The following ICOS variants were observed in gnomAD, a reference collection of about 807,000 sequenced individuals.
The protein encoded by ICOS is inducible T-cell costimulator.
ICOS carries 15 observed loss-of-function variants against 24.6 expected under a neutral mutation model. That is an observed-to-expected ratio of 0.61 (90% CI 0.41 to 0.94). The LOEUF is 0.94. Among genes scored for constraint, ICOS ranks in the 40% least tolerant of loss-of-function variants. The pLI is 0.00. For synonymous variants in ICOS, 89 were observed against 77.5 expected (o/e 1.15, Z -0.78); for missense variants, 200 against 233.0 (o/e 0.86, Z 0.92).
At chr2:203,948,775 A>T (rs1480345404) in intron 1 of ICOS, among the ~76,000 whole-genome samples, 1 of 152,202 alleles carries the variant, frequency 6.6e-6, no homozygotes, top group East Asian at 1.9e-4. Flanking sequence ...AAGTGTCATT[A>T]CTCTTGAACG....
chr2:203,955,700 A>T lies in ICOS; in HGVS notation c.123A>T (p.Leu41Phe), dbSNP rs758752799. 1 of 1,613,708 alleles carries T rather than the reference A, an allele frequency of 6.2e-7. No homozygotes were observed. The highest frequency in any genetic ancestry group is 8.5e-7 in the Non-Finnish European group (1 of 1,179,662). Residue 41 changes from leucine (L) to phenylalanine (F), a missense_variant, in exon 2 of 5, where the codon TTA becomes TTT. Leu to Phe is a conservative substitution (Grantham distance 22). Transcript: ENST00000316386. The part of the protein sequence containing the change: ...FIFHNGGVQI[L>F]CKYPDIVQQF... ...TTCACAACGGAGGTGTACAAATTTT[A>T]TGCAAATATCCTGACATTGTCCAGC... is the stretch of plus-strand genomic sequence containing the variant.
chr2:203,945,915 G>C (rs781085804), intron 1 of ICOS, among the ~76,000 whole-genome samples: 2 of 152,190 alleles, frequency 1.3e-5, no homozygotes, highest in Non-Finnish European at 2.9e-5. Flanking sequence ...CCTGGGGGTA[G>C]ACATGAGAGC....
intron 1 of ICOS, among the ~76,000 whole-genome samples, chr2:203,938,930 T>C (rs1162053361): frequency 6.6e-6 from 1 of 152,186 alleles, no homozygotes; most frequent in Admixed American, 6.5e-5. Context: ...AATGATCCTA[T>C]TTAAAATATC....
At chr2:203,956,887 C>A (rs553040344) in intron 3 of ICOS, 122 bp downstream of exon 3, 41 of 714,498 alleles carry the variant, frequency 5.7e-5, no homozygotes, top group Admixed American at 1.6e-4. Context: ...CAATTCCTTC[C>A]CCCCAAGACA....
intron 1 of ICOS, among the ~76,000 whole-genome samples, chr2:203,951,632 T>C (rs1689975457): frequency 6.6e-6 from 1 of 152,190 alleles, no homozygotes; most frequent in Non-Finnish European, 1.5e-5. Context: ...GAGAAAATCA[T>C]CTTCGGAAGT....
At chr2:203,946,635 T>C (rs1689874336) in intron 1 of ICOS, among the ~76,000 whole-genome samples, 1 of 152,232 alleles carries the variant, frequency 6.6e-6, no homozygotes, top group Non-Finnish European at 1.5e-5. Context: ...ACATTGCTTT[T>C]ATGAAAGGTG....
intron 1 of ICOS, among the ~76,000 whole-genome samples, chr2:203,940,933 G>A (rs1032913078): frequency 1.5e-4 from 23 of 152,086 alleles, no homozygotes; most frequent in African/African-American, 5.5e-4. Context: ...ACAGGCACCC[G>A]CCACCACGCC....
intron 1 of ICOS, 130 bp from the exon 2 acceptor site, chr2:203,955,506 G>A: frequency 1.4e-6 from 1 of 731,868 alleles, no homozygotes; most frequent in South Asian, 1.6e-5. Context: ...GGGAGAATGT[G>A]AAGCTGTTTC....
At chr2:203,949,830 A>G (rs768590292) in intron 1 of ICOS, among the ~76,000 whole-genome samples, 7 of 152,274 alleles carry the variant, frequency 4.6e-5, no homozygotes, top group East Asian at 1.9e-4. Context: ...AGCAGACACT[A>G]TCTATAAAAG....
At chr2:203,948,151 T>G (rs528834434) in intron 1 of ICOS, among the ~76,000 whole-genome samples, 2 of 152,142 alleles carry the variant, frequency 1.3e-5, no homozygotes, top group Non-Finnish European at 2.9e-5. Context: ...GTAAAGAAAG[T>G]TTTTCTTTAA....
At chr2:203,952,072 T>G (rs1434760575) in intron 1 of ICOS, among the ~76,000 whole-genome samples, 1 of 152,186 alleles carries the variant, frequency 6.6e-6, no homozygotes, top group Admixed American at 6.5e-5. Context: ...AAAAAATGTA[T>G]AATTTAATGA....
At chr2:203,948,996 G>C (rs1217724364) in intron 1 of ICOS, among the ~76,000 whole-genome samples, 1 of 152,188 alleles carries the variant, frequency 6.6e-6, no homozygotes, top group African/African-American at 2.4e-5. Context: ...AGATTTTACT[G>C]TAAGTGGAAT....
In ICOS at chr2:203,961,429, C is replaced by A; in HGVS notation, c.*1830C>A. On this transcript the variant is annotated 3_prime_UTR_variant, in exon 5 of 5. Coordinates refer to ENST00000316386, the MANE Select transcript of ICOS (RefSeq NM_012092.4). ...TCCAAGCTGTGCCTCGACACATCCT[C>A]ATCCCCAGCATGGGACACCTCAAGA... The A allele has an allele frequency of 6.1e-6, 1 of 164,114 alleles. No individual in the cohort carries two copies. Among genetic ancestry groups the A allele is most frequent in the Non-Finnish European group, 1.3e-5 (1 of 75,378 alleles). The allele number at this position is 164,114 out of a possible 1,614,324, so 10.2% of individuals were successfully genotyped here. A position where few individuals can be genotyped will look rare whatever the true frequency, so the allele number is the denominator to read the frequency against.
Position 203,957,005 on chromosome 2 carries a change from T to A in ICOS, c.501+240T>A, listed in dbSNP as rs146484794. 3.3e-3 allele frequency among the ~76,000 whole-genome samples: 507 copies of A among 152,192 alleles called. 2 individuals carry two copies. The highest frequency in any genetic ancestry group is 5.5e-3 in the Non-Finnish European group (376 of 67,986). ...TGATGGCTTACAGAGAGTTACATTA[T>A]TATTATTATTGTTCAAACTAGATGA... On this transcript the variant is annotated intron_variant, in intron 3 of 4. Coordinates refer to ENST00000316386, the MANE Select transcript of ICOS (RefSeq NM_012092.4).
At chr2:203,942,609 C>T (rs1689797739) in intron 1 of ICOS, among the ~76,000 whole-genome samples, 1 of 152,150 alleles carries the variant, frequency 6.6e-6, no homozygotes, top group African/African-American at 2.4e-5. Flanking sequence ...ACATATGTGG[C>T]ACCAATGTGA....
intron 1 of ICOS, among the ~76,000 whole-genome samples, chr2:203,937,640 G>A (rs59850036): frequency 0.15 from 22,622 of 152,062 alleles, 2,706 homozygotes; most frequent in African/African-American, 0.32. Flanking sequence ...TTGAAAAAAG[G>A]AAAGTTAAGT....
At chr2:203,952,494 C>G (rs1227747162) in intron 1 of ICOS, among the ~76,000 whole-genome samples, 1 of 152,144 alleles carries the variant, frequency 6.6e-6, no homozygotes, top group African/African-American at 2.4e-5. Flanking sequence ...AGGATTTTCA[C>G]TAAGATACAT....
chr2:203,956,836 T>C, intron 3 of ICOS, 71 bp downstream of exon 3: 1 of 1,007,856 alleles, frequency 9.9e-7, no homozygotes, highest in Non-Finnish European at 1.6e-6. Flanking sequence ...TCATCAAAAG[T>C]ACACATGGCT....
chr2:203,941,934 A>G (rs1689784030), intron 1 of ICOS, among the ~76,000 whole-genome samples: 1 of 152,166 alleles, frequency 6.6e-6, no homozygotes, highest in Non-Finnish European at 1.5e-5. Flanking sequence ...AACTGGGGAT[A>G]TGAACTTCCT....
Sources: allele counts gnomAD v4.1 joint callset (sites outside exome capture counted in the v4.1 genomes callset), GRCh38; gene constraint gnomAD v4.1.1; transcripts MANE v1.5; gene names NCBI Gene and HGNC (gene_info 2026-07-23, HGNC 2026-07-21).